MYO1D: variants seen among roughly 807,000 people sequenced by gnomAD.
MYO1D encodes unconventional myosin-Id.
In MYO1D, 83 loss-of-function variants were observed where a neutral mutation model predicts 122.0. The ratio of observed to expected loss-of-function variants is 0.68; its 90% CI spans 0.57 to 0.82. MYO1D has a LOEUF of 0.82. MYO1D is among the 40% of genes least tolerant of loss of function. MYO1D has a pLI of 0.00. For synonymous variants in MYO1D, 464 were observed against 446.9 expected, an observed-to-expected ratio of 1.04 and a Z score of -0.48; for missense variants, 1,157 against 1,269.5, an observed-to-expected ratio of 0.91 and a Z score of 1.35.
Position 32,864,007 on chromosome 17 carries a change from CTTTTTTTTTTTTTTTTTTTTTTTTT to C in MYO1D, c.95+12746_95+12770del, listed in dbSNP as rs560953120. Among the ~76,000 whole-genome samples, 7 of 48,958 alleles carry C rather than the reference CTTTTTTTTTTTTTTTTTTTTTTTTT, an allele frequency of 1.4e-4. No homozygotes were observed. In the Admixed American group the frequency reaches 1.5e-3, roughly 10 times the overall value. The allele number at this position is 48,958 out of a possible 152,430, so 32.1% of individuals were successfully genotyped here. On this transcript the variant is annotated intron_variant, in intron 1 of 21. Transcript: ENST00000318217. ...TAATTTTGGTTACAAACATTTCTTCCTTTTTTTTTTTTTTTTTTTTTTTTTTTTTTTTTTTTTGGTGTTTGCAAGA... is the reference window on the plus strand; with the variant it reads ...TAATTTTGGTTACAAACATTTCTTCCTTTTTTTTTTTTGGTGTTTGCAAGA...
chr17:32,608,846 A>G (rs1283131788), intron 20 of MYO1D, among the ~76,000 whole-genome samples: 1 of 152,242 alleles, frequency 6.6e-6, no homozygotes, highest in Non-Finnish European at 1.5e-5. Flanking sequence ...CAGATTACTG[A>G]CATGCAACAA....
intron 1 of MYO1D, among the ~76,000 whole-genome samples, chr17:32,821,541 TACACACACACAC>T (rs34745639): frequency 1.5e-5 from 2 of 131,090 alleles, no homozygotes; most frequent in African/African-American, 5.1e-5. Context: ...AAATCACACA[TACACACACACAC>T]ACACACACAC....
At position 32,712,138 on chromosome 17, in the gene MYO1D, C is replaced by T. The variant is rs2089385396; in HGVS notation, c.1971G>A (p.Glu657=). ...ACCGTTCAATTAGTTTCTTGACAGC[C>T]TCTTTGTCTGAAGGAAGGTCATGGT... ...WPNHDLPSDK[E]AVKKLIERCG... Residue 657 remains glutamate, a synonymous_variant, in exon 16 of 22, where the codon GAG becomes GAA. Transcript: ENST00000318217. 6.2e-7 allele frequency: 1 copy of T among 1,613,900 alleles called. No homozygotes were observed. The highest frequency in any genetic ancestry group is 1.7e-5 in the Admixed American group (1 of 60,010).
chr17:32,768,216 C>T (rs185128086), intron 6 of MYO1D, among the ~76,000 whole-genome samples: 1 of 152,172 alleles, frequency 6.6e-6, no homozygotes, highest in African/African-American at 2.4e-5. Flanking sequence ...GTTTATTTTC[C>T]AGGTGAGGCA....
chr17:32,596,730 C>G (rs1312164090), intron 21 of MYO1D, among the ~76,000 whole-genome samples: 1 of 152,220 alleles, frequency 6.6e-6, no homozygotes, highest in Non-Finnish European at 1.5e-5. Flanking sequence ...TTAATGCCTG[C>G]AATTGGAGTT....
At chr17:32,861,563 T>C (rs2091077629) in intron 1 of MYO1D, among the ~76,000 whole-genome samples, 1 of 152,042 alleles carries the variant, frequency 6.6e-6, no homozygotes, top group South Asian at 2.1e-4. Context: ...CCAACATACT[T>C]AAATTTTGAA....
rs75623387 is a variant in MYO1D at position 32,701,514 on chromosome 17, T to C, written c.2121+10474A>G. Among the ~76,000 whole-genome samples, 52 of 152,370 alleles carry C rather than the reference T, an allele frequency of 3.4e-4. No homozygotes were observed. In the East Asian group the frequency reaches 8.9e-3, roughly 26 times the overall value. The stretch of plus-strand genomic sequence containing the variant: ...TGATATCTGTTGAAAAGTAATTTGA[T>C]ATAATTCATCTATTCTTGATTTTTA... On this transcript the variant is annotated intron_variant, in intron 16 of 21. Coordinates refer to ENST00000318217, the MANE Select transcript of MYO1D (RefSeq NM_015194.3).
intron 19 of MYO1D, among the ~76,000 whole-genome samples, chr17:32,646,717 A>G (rs1463918056): frequency 6.6e-6 from 1 of 152,178 alleles, no homozygotes; most frequent in Non-Finnish European, 1.5e-5. Flanking sequence ...TTACGTTTTT[A>G]TATGCAAAAA....
intron 1 of MYO1D, among the ~76,000 whole-genome samples, chr17:32,835,080 T>C (rs1310219306): frequency 6.6e-6 from 1 of 151,974 alleles, no homozygotes; most frequent in Non-Finnish European, 1.5e-5. Flanking sequence ...AAAGGATATA[T>C]ACAAGGTCCT....
intron 1 of MYO1D, among the ~76,000 whole-genome samples, chr17:32,868,133 G>A (rs536051539): frequency 1.4e-4 from 21 of 152,278 alleles, no homozygotes; most frequent in African/African-American, 5.1e-4. Flanking sequence ...AGAATGCATA[G>A]GGTGATAGTT....
At chr17:32,786,226 G>T (rs2151032992) in intron 1 of MYO1D, among the ~76,000 whole-genome samples, 1 of 152,262 alleles carries the variant, frequency 6.6e-6, no homozygotes, top group East Asian at 1.9e-4. Context: ...TATGTAAGGT[G>T]AGGTTAAATG....
intron 21 of MYO1D, among the ~76,000 whole-genome samples, chr17:32,577,320 C>G (rs1014789017): frequency 1.3e-5 from 2 of 151,160 alleles, no homozygotes; most frequent in Non-Finnish European, 1.5e-5. Context: ...TTTGTAGAGA[C>G]TGGGTCTTGC....
At chr17:32,730,539 T>C (rs1421633133) in intron 14 of MYO1D, among the ~76,000 whole-genome samples, 1 of 152,206 alleles carries the variant, frequency 6.6e-6, no homozygotes, top group African/African-American at 2.4e-5. Context: ...TTGGTTTTTG[T>C]TTTTCAGAAA....
At chr17:32,711,172 A>C (rs1170953022) in intron 16 of MYO1D, among the ~76,000 whole-genome samples, 2 of 152,198 alleles carry the variant, frequency 1.3e-5, no homozygotes, top group Non-Finnish European at 2.9e-5. Context: ...GATACAAAGA[A>C]ATACATGAAT....
At chr17:32,680,953 T>C (rs1037122477) in intron 16 of MYO1D, among the ~76,000 whole-genome samples, 1 of 152,178 alleles carries the variant, frequency 6.6e-6, no homozygotes, top group African/African-American at 2.4e-5. Flanking sequence ...TATTCAGAGA[T>C]TCAACTTCTT....
At chr17:32,821,126 T>C (rs909978677) in intron 1 of MYO1D, among the ~76,000 whole-genome samples, 2 of 152,164 alleles carry the variant, frequency 1.3e-5, no homozygotes, top group African/African-American at 2.4e-5. Flanking sequence ...GCATGCAGTA[T>C]TTGGTTTTCT....
intron 16 of MYO1D, among the ~76,000 whole-genome samples, chr17:32,688,847 C>T (rs1216418601): frequency 6.6e-6 from 1 of 152,020 alleles, no homozygotes; most frequent in Non-Finnish European, 1.5e-5. Context: ...AGTACCACAA[C>T]CATCACCACG....
chr17:32,622,675 A>C (rs539744358), intron 20 of MYO1D, among the ~76,000 whole-genome samples: 19 of 152,232 alleles, frequency 1.2e-4, no homozygotes, highest in Non-Finnish European at 2.4e-4. Context: ...AAGATTAGAC[A>C]GTGAGGGCAC....
intron 21 of MYO1D, among the ~76,000 whole-genome samples, chr17:32,578,867 A>G (rs912538836): frequency 6.6e-6 from 1 of 152,042 alleles, no homozygotes; most frequent in Non-Finnish European, 1.5e-5. Flanking sequence ...TTCACTCTAC[A>G]TGTTTCCTTG....
Sources: gnomAD v4.1 joint callset for allele counts (sites outside exome capture counted in the v4.1 genomes callset) on GRCh38, gnomAD v4.1.1 for gene constraint, MANE v1.5 for transcripts, NCBI Gene and HGNC (gene_info 2026-07-23, HGNC 2026-07-21) for gene names.